Variants in NTN4 observed in about 807,000 individuals in gnomAD.
The protein encoded by NTN4 is netrin-4.
In NTN4, 32 loss-of-function variants were observed where a neutral mutation model predicts 73.6. That is an observed-to-expected ratio of 0.44 (90% confidence interval 0.33 to 0.58). The LOEUF is 0.58. Ranked by LOEUF, NTN4 falls within the 20% of genes least tolerant of loss-of-function variation. The pLI is 0.04. For synonymous variants in NTN4, 258 were observed against 287.5 expected (o/e 0.90, Z 1.04); for missense variants, 654 against 798.3 (o/e 0.82, Z 2.18).
At chr12:95,693,043 G>A (rs1015801373) in intron 5 of NTN4, among the ~76,000 whole-genome samples, 15 of 151,958 alleles carry the variant, frequency 9.9e-5, no homozygotes, top group African/African-American at 1.9e-4. Context: ...AAACGTATTC[G>A]TATAAAAATG....
intron 3 of NTN4, among the ~76,000 whole-genome samples, chr12:95,719,218 T>A (rs2078628813): frequency 6.6e-6 from 1 of 152,210 alleles, no homozygotes; most frequent in Non-Finnish European, 1.5e-5. Context: ...TGCTACTGTG[T>A]CATTATTATT....
intron 2 of NTN4, among the ~76,000 whole-genome samples, chr12:95,782,478 A>G (rs558660206): frequency 6.6e-6 from 1 of 152,024 alleles, no homozygotes; most frequent in South Asian, 2.1e-4. Flanking sequence ...TTGTATTTTT[A>G]GCAGAGACAG....
At chr12:95,717,137 A>T (rs1440150533) in intron 3 of NTN4, among the ~76,000 whole-genome samples, 2 of 152,070 alleles carry the variant, frequency 1.3e-5, no homozygotes, top group Non-Finnish European at 2.9e-5. Flanking sequence ...GCAACCGTTT[A>T]TTGAATACTG....
intron 2 of NTN4, among the ~76,000 whole-genome samples, chr12:95,744,830 A>G (rs1239796563): frequency 8.0e-6 from 1 of 125,256 alleles, no homozygotes; most frequent in Non-Finnish European, 1.7e-5. Flanking sequence ...TGCTGGTGAA[A>G]AACTTTTTTT....
At chr12:95,730,769 A>G (rs17024626) in intron 3 of NTN4, among the ~76,000 whole-genome samples, 14,097 of 152,222 alleles carry the variant, frequency 0.093, 1,831 homozygotes, top group African/African-American at 0.3. Flanking sequence ...GGAGCACTGA[A>G]ATAAGGATTG....
At chr12:95,790,931 G>T (rs868224550), upstream of NTN4, among the ~76,000 whole-genome samples, 1 of 149,002 alleles carries the variant, frequency 6.7e-6, no homozygotes. The surrounding 1 kb of genome is among the most constrained non-coding windows in gnomAD (Gnocchi z 6.5). Context: ...TGCCGCCCGG[G>T]GGGGGGGTCC....
At chr12:95,771,972 C>G (rs2079061774) in intron 2 of NTN4, among the ~76,000 whole-genome samples, 1 of 152,062 alleles carries the variant, frequency 6.6e-6, no homozygotes, top group Non-Finnish European at 1.5e-5. Flanking sequence ...TATGGTAACC[C>G]AACATAAATC....
chr12:95,739,607 T>G (rs2121181821), intron 2 of NTN4, among the ~76,000 whole-genome samples: 1 of 152,308 alleles, frequency 6.6e-6, no homozygotes, highest in Non-Finnish European at 1.5e-5. Flanking sequence ...CTCCAAACAC[T>G]GACATTTCTG....
At position 95,790,093 on chromosome 12, in the gene NTN4, C is replaced by A. The variant is rs1364075329; in HGVS notation, c.55+162G>T. On this transcript the variant is annotated intron_variant, in intron 1 of 9. Coordinates refer to ENST00000343702, the MANE Select transcript of NTN4 (RefSeq NM_021229.4). This position sits in a 1 kb window ranked among gnomAD's most constrained non-coding sequence, Gnocchi z 6.5. ...AAAAATAAATCAATAGTATTTGAAA[C>A]TGCGGAGCCCCGGGGAAAGGAGGCG... 3.7e-6 allele frequency: 2 copies of A among 547,340 alleles called. No individual in the cohort carries two copies. Among genetic ancestry groups the A allele is most frequent in the African/African-American group, 4.0e-5 (2 of 49,894 alleles). The allele number at this position is 547,340 out of a possible 1,614,324, so 33.9% of individuals were successfully genotyped here.
intron 3 of NTN4, among the ~76,000 whole-genome samples, chr12:95,726,899 G>A (rs2078698905): frequency 6.6e-6 from 1 of 152,156 alleles, no homozygotes. Flanking sequence ...GAACCTGGGA[G>A]GCGGGGCTTG....
At chr12:95,708,716 C>T (rs180920397) in intron 5 of NTN4, among the ~76,000 whole-genome samples, 241 of 152,184 alleles carry the variant, frequency 1.6e-3, no homozygotes, top group Non-Finnish European at 2.6e-3. Flanking sequence ...GCGTAGTTTT[C>T]GTTTCTTGAG....
At chr12:95,731,502 G>A (rs903159571) in intron 3 of NTN4, among the ~76,000 whole-genome samples, 1 of 152,102 alleles carries the variant, frequency 6.6e-6, no homozygotes, top group Admixed American at 6.5e-5. Flanking sequence ...GGAGGCAGAG[G>A]TTGCAGTGAG....
intron 2 of NTN4, among the ~76,000 whole-genome samples, chr12:95,753,259 A>G (rs1365513363): frequency 6.6e-6 from 1 of 151,248 alleles, no homozygotes; most frequent in Non-Finnish European, 1.5e-5. Context: ...GTGGAAATCT[A>G]TCCTCAAGGA....
At position 95,658,914 on chromosome 12, in the gene NTN4, CTG is replaced by C; in HGVS notation, c.*170_*171del. The C allele has an allele frequency of 1.9e-6, 1 of 530,748 alleles. No individual in the cohort carries two copies. Among genetic ancestry groups the C allele is most frequent in the Non-Finnish European group, 3.2e-6 (1 of 309,212 alleles). The allele number at this position is 530,748 out of a possible 1,614,324, so 32.9% of individuals were successfully genotyped here. A position where few individuals can be genotyped will look rare whatever the true frequency, so the allele number is the denominator to read the frequency against. On this transcript the variant is annotated 3_prime_UTR_variant, in exon 10 of 10. Transcript: ENST00000343702. ...TTTCATTTCTCTTCATGAAATAAAA[CTG>C]TATTTAAACATGGGTCCAGAAGAGA... is the stretch of plus-strand genomic sequence containing the variant.
chr12:95,779,438 G>A (rs1565918175), intron 2 of NTN4, among the ~76,000 whole-genome samples: 1 of 152,232 alleles, frequency 6.6e-6, no homozygotes, highest in Non-Finnish European at 1.5e-5. Context: ...TCCTTAAGCT[G>A]ATAAGCAACT....
chr12:95,659,924 G>A (rs1437054948), intron 9 of NTN4, among the ~76,000 whole-genome samples: 1 of 152,110 alleles, frequency 6.6e-6, no homozygotes, highest in Non-Finnish European at 1.5e-5. Context: ...GGGTTCTAAG[G>A]ACACTTATCA....
chr12:95,663,338 T>C (rs2078153038), intron 9 of NTN4: 2 of 152,216 alleles, frequency 1.3e-5, no homozygotes, highest in Non-Finnish European at 2.9e-5. Context: ...ATACCTCTTA[T>C]TAGCATTTAT....
intron 2 of NTN4, among the ~76,000 whole-genome samples, chr12:95,744,836 T>TC (rs2121197940): frequency 7.1e-6 from 1 of 141,294 alleles, no homozygotes; most frequent in East Asian, 2.0e-4. Context: ...TGAAAAACTT[T>TC]TTTTTTTTTT....
intron 8 of NTN4, among the ~76,000 whole-genome samples, chr12:95,669,247 G>T (rs1157623286): frequency 6.6e-6 from 1 of 151,564 alleles, no homozygotes; most frequent in African/African-American, 2.4e-5. Context: ...GCAAGAATGT[G>T]TTGGCAAGAT....
Sources: allele counts gnomAD v4.1 joint callset (sites outside exome capture counted in the v4.1 genomes callset), GRCh38; gene constraint gnomAD v4.1.1; non-coding constraint Gnocchi (gnomAD v3.1); transcripts MANE v1.5; gene names NCBI Gene and HGNC (gene_info 2026-07-23, HGNC 2026-07-21).